The following RPA3 variants were observed in gnomAD, a reference collection of about 807,000 sequenced individuals.
The protein encoded by RPA3 is replication protein A 14 kDa subunit.
Under a neutral mutation model 13.7 loss-of-function variants are expected in RPA3, and 24 were observed. The observed-to-expected ratio is 1.75, with a 90% confidence interval of 1.27 to 2.46. RPA3 has a LOEUF of 2.46. Among genes scored for constraint, RPA3 ranks in the 30% most tolerant of loss-of-function variants. RPA3 has a pLI of 0.00. For synonymous variants in RPA3, 59 were observed against 51.2 expected (o/e 1.15, Z -0.65); for missense variants, 183 against 151.0 (o/e 1.21, Z -1.11).
chr7:7,683,261 A>G (rs947670048), intron 4 of RPA3, among the ~76,000 whole-genome samples: 12 of 152,150 alleles, frequency 7.9e-5, no homozygotes, highest in Admixed American at 2.6e-4. Flanking sequence ...GGATACTTAG[A>G]AAAAAATACT....
intron 4 of RPA3, among the ~76,000 whole-genome samples, chr7:7,667,525 T>C (rs28992769): frequency 8.5e-4 from 130 of 152,304 alleles, no homozygotes; most frequent in African/African-American, 2.7e-3. Flanking sequence ...CAGTTTTTTT[T>C]CCCTAAATGT....
chr7:7,649,738 G>A (rs59877058), intron 4 of RPA3, among the ~76,000 whole-genome samples: 2 of 17,958 alleles, frequency 1.1e-4, no homozygotes, highest in Non-Finnish European at 1.9e-4. Context: ...CCGAATGTTT[G>A]TCTCTCTCCC....
At chr7:7,714,004 C>T (rs991213549) in intron 2 of RPA3, among the ~76,000 whole-genome samples, 3 of 152,082 alleles carry the variant, frequency 2.0e-5, no homozygotes, top group East Asian at 1.9e-4. Flanking sequence ...CTGCCCCACA[C>T]GTTTTTCATC....
chr7:7,654,764 T>G (rs1329406536), intron 4 of RPA3, among the ~76,000 whole-genome samples: 1 of 151,698 alleles, frequency 6.6e-6, no homozygotes. Context: ...ATTAGCCAGG[T>G]GTGGTGGCGG....
At position 7,647,718 on chromosome 7, in the gene RPA3, T is replaced by C. The variant is rs898108185; in HGVS notation, c.-757-6543A>G. Among the ~76,000 whole-genome samples the C allele has an allele frequency of 3.9e-5, 6 of 152,164 alleles. No homozygotes were observed. The South Asian group carries it at 1.2e-3, about 32-fold the overall frequency. On this transcript the variant is annotated intron_variant, in intron 4 of 7. Coordinates refer to ENST00000223129, the MANE Select transcript of RPA3 (RefSeq NM_002947.5). Reference sequence around the variant, plus strand: ...GAACTCCTGAGCTCAAGGCTCAGCTTTCTGAGTAGCTGGGACTGCAGGCAC... The same window carrying C: ...GAACTCCTGAGCTCAAGGCTCAGCTCTCTGAGTAGCTGGGACTGCAGGCAC...
At chr7:7,646,480 ATTTTTTTTTTTTT>A (rs35948027) in intron 4 of RPA3, among the ~76,000 whole-genome samples, 2 of 111,360 alleles carry the variant, frequency 1.8e-5, no homozygotes, top group African/African-American at 3.6e-5. Flanking sequence ...CTTTCGCTGG[ATTTTTTTTTTTTT>A]TTTTTTTTTT....
intron 2 of RPA3, among the ~76,000 whole-genome samples, chr7:7,708,795 G>A (rs1221774367): frequency 6.6e-6 from 1 of 151,944 alleles, no homozygotes; most frequent in African/African-American, 2.4e-5. Flanking sequence ...GACTTTTTTT[G>A]CCCATTAATA....
intron 4 of RPA3, among the ~76,000 whole-genome samples, chr7:7,665,323 C>G (rs1216464468): frequency 6.6e-6 from 1 of 152,208 alleles, no homozygotes; most frequent in Non-Finnish European, 1.5e-5. Flanking sequence ...TATACGCAGT[C>G]TGTGTATACC....
intron 4 of RPA3, among the ~76,000 whole-genome samples, chr7:7,651,350 A>T (rs894364115): frequency 2.6e-5 from 4 of 152,128 alleles, no homozygotes; most frequent in Non-Finnish European, 1.5e-5. Flanking sequence ...TTTGGGGTTT[A>T]TAAGGGTACA....
At chr7:7,716,929 A>G (rs182896712) in intron 1 of RPA3, among the ~76,000 whole-genome samples, 3 of 152,244 alleles carry the variant, frequency 2.0e-5, no homozygotes, top group Admixed American at 1.3e-4. Flanking sequence ...CTCGTGCCCT[A>G]TGTAAATCAG....
Position 7,640,394 on chromosome 7 carries a change from T to G in RPA3, c.25A>C (p.Arg9=), listed in dbSNP as rs758792032. The part of the protein sequence containing the change: MVDMMDLP[R]SRINAGMLAQ... The stretch of plus-strand genomic sequence containing the variant: ...AGCATGCCGGCGTTGATGCGCGACC[T>G]GGGCAAGTCCATCATGTCCACCATG... The change falls in exon 5 of 8, where the codon AGG becomes CGG. Residue 9 remains arginine, a synonymous_variant. Transcript: ENST00000223129. 1.9e-6 allele frequency: 3 copies of G among 1,614,038 alleles called. No homozygotes were observed. The highest frequency in any genetic ancestry group is 1.7e-5 in the Admixed American group (1 of 60,022).
intron 4 of RPA3, among the ~76,000 whole-genome samples, chr7:7,652,469 G>C (rs1454377692): frequency 1.1e-4 from 16 of 152,228 alleles, no homozygotes. Context: ...TCATTAGACA[G>C]CTAGCAATAT....
chr7:7,686,789 T>C (rs1345200766), intron 3 of RPA3, among the ~76,000 whole-genome samples: 1 of 152,224 alleles, frequency 6.6e-6, no homozygotes, highest in Non-Finnish European at 1.5e-5. Flanking sequence ...GTGAAGATTA[T>C]GATGAAGTTT....
intron 4 of RPA3, among the ~76,000 whole-genome samples, chr7:7,653,170 C>G (rs536090037): frequency 3.9e-5 from 6 of 152,284 alleles, no homozygotes; most frequent in African/African-American, 1.4e-4. Flanking sequence ...AAATGCAACA[C>G]CAAATGAAGT....
intron 2 of RPA3, among the ~76,000 whole-genome samples, chr7:7,703,039 G>A (rs1425043837): frequency 6.6e-6 from 1 of 152,198 alleles, no homozygotes; most frequent in East Asian, 1.9e-4. Flanking sequence ...CCTTCAGCTA[G>A]TCTTCTAGTT....
chr7:7,675,245 T>C (rs1318994419), intron 4 of RPA3, among the ~76,000 whole-genome samples: 6 of 152,232 alleles, frequency 3.9e-5, no homozygotes, highest in African/African-American at 1.4e-4. Context: ...GTAAGTTGGG[T>C]GTACTGGCAT....
chr7:7,677,207 A>T (rs1009930193), intron 4 of RPA3, among the ~76,000 whole-genome samples: 1 of 152,190 alleles, frequency 6.6e-6, no homozygotes, highest in African/African-American at 2.4e-5. Context: ...CAGGGTAATT[A>T]GGATATCTAT....
chr7:7,680,717 G>T (rs10278708), intron 4 of RPA3, among the ~76,000 whole-genome samples: 96,535 of 151,680 alleles, frequency 0.64, 31,078 homozygotes, highest in East Asian at 0.87. Flanking sequence ...CTCTTTGGTT[G>T]CTTTCATCAG....
At chr7:7,679,863 C>T (rs1354884707) in intron 4 of RPA3, among the ~76,000 whole-genome samples, 3 of 151,464 alleles carry the variant, frequency 2.0e-5, no homozygotes, top group East Asian at 3.9e-4. Flanking sequence ...CTATGCCTGG[C>T]CTGCCCATTT....
Sources: allele counts gnomAD v4.1 joint callset (sites outside exome capture counted in the v4.1 genomes callset), GRCh38; gene constraint gnomAD v4.1.1; transcripts MANE v1.5; gene names NCBI Gene and HGNC (gene_info 2026-07-23, HGNC 2026-07-21).